The following PTPRD variants were observed in gnomAD, a reference collection of about 807,000 sequenced individuals.
The protein encoded by PTPRD is protein tyrosine phosphatase receptor type D.
PTPRD carries 34 observed loss-of-function variants against 214.5 expected under a neutral mutation model. That is an observed-to-expected ratio of 0.16 (90% CI 0.12 to 0.21). The LOEUF (loss-of-function observed/expected upper bound fraction) is 0.21, where lower values mean the gene tolerates loss of function less well. Among genes scored for constraint, PTPRD ranks in the 10% least tolerant of loss-of-function variants. The pLI is 1.00. For missense variants in PTPRD, 2,545 were observed against 2,398.7 expected, an observed-to-expected ratio of 1.06 and a Z score of -1.27; for synonymous variants, 1,128 against 845.7, an observed-to-expected ratio of 1.33 and a Z score of -5.79.
chr9:9,800,333 CTAAAAAAA>C (rs1235000427), intron 5 of PTPRD, among the ~76,000 whole-genome samples: 13 of 151,772 alleles, frequency 8.6e-5, no homozygotes, highest in African/African-American at 3.1e-4. Context: ...GATCTTGTCT[CTAAAAAAA>C]TAAAATATTT....
intron 11 of PTPRD, among the ~76,000 whole-genome samples, chr9:8,779,748 T>C (rs1473642504): frequency 1.3e-5 from 2 of 151,722 alleles, no homozygotes; most frequent in Non-Finnish European, 2.9e-5. Flanking sequence ...TGGGGTTTTG[T>C]GAATGCTGCA....
intron 9 of PTPRD, among the ~76,000 whole-genome samples, chr9:9,295,720 C>T (rs903478093): frequency 6.6e-6 from 1 of 151,770 alleles, no homozygotes; most frequent in Admixed American, 6.6e-5. Context: ...ACTAGGTTTA[C>T]TTCAAAGAGA....
At chr9:8,996,781 C>T (rs1303753054) in intron 11 of PTPRD, among the ~76,000 whole-genome samples, 1 of 152,022 alleles carries the variant, frequency 6.6e-6, no homozygotes, top group East Asian at 1.9e-4. Flanking sequence ...AATCACCTCC[C>T]CAAGGCCCTA....
At chr9:8,756,948 T>C (rs12345759) in intron 11 of PTPRD, among the ~76,000 whole-genome samples, 7,688 of 151,936 alleles carry the variant, frequency 0.051, 488 homozygotes, top group African/African-American at 0.15. Context: ...CAAGACCACC[T>C]TGGCCAACGT....
At chr9:9,767,259 T>A (rs923449240) in intron 5 of PTPRD, among the ~76,000 whole-genome samples, 1 of 152,066 alleles carries the variant, frequency 6.6e-6, no homozygotes, top group African/African-American at 2.4e-5. Flanking sequence ...GATTTTATAA[T>A]AAAAGCATTA....
At chr9:9,407,286 G>A (rs1384290963) in intron 8 of PTPRD, among the ~76,000 whole-genome samples, 1 of 151,636 alleles carries the variant, frequency 6.6e-6, no homozygotes, top group Non-Finnish European at 1.5e-5. Context: ...TTTCATTGCT[G>A]TGTAGAATTC....
intron 43 of PTPRD, among the ~76,000 whole-genome samples, chr9:8,337,030 G>C (rs558309554): frequency 6.6e-6 from 1 of 152,154 alleles, no homozygotes; most frequent in Non-Finnish European, 1.5e-5. Context: ...CACTGTGGAA[G>C]ACAGTTTGGT....
intron 8 of PTPRD, among the ~76,000 whole-genome samples, chr9:9,520,747 C>T (rs116605269): frequency 0.025 from 3,878 of 152,106 alleles, 176 homozygotes; most frequent in African/African-American, 0.087. Flanking sequence ...AATTGAATGC[C>T]AATAAAATTT....
intron 35 of PTPRD, among the ~76,000 whole-genome samples, chr9:8,426,714 C>T (rs752994342): frequency 3.3e-5 from 5 of 150,154 alleles, no homozygotes; most frequent in Admixed American, 6.7e-5. Flanking sequence ...TCCCTTAAGA[C>T]GGGTAGGACT....
At chr9:8,458,465 C>T (rs1045668682) in intron 33 of PTPRD, among the ~76,000 whole-genome samples, 2 of 152,096 alleles carry the variant, frequency 1.3e-5, no homozygotes, top group African/African-American at 4.8e-5. Context: ...AATGTCATGT[C>T]ATATGGTCTA....
chr9:9,341,201 G>A (rs762605698), intron 9 of PTPRD, among the ~76,000 whole-genome samples: 3 of 151,950 alleles, frequency 2.0e-5, no homozygotes, highest in Non-Finnish European at 2.9e-5. Context: ...GGTGTTTCTG[G>A]TGTTTTTCCT....
At chr9:8,730,359 T>A (rs183726075) in intron 12 of PTPRD, among the ~76,000 whole-genome samples, 23 of 152,248 alleles carry the variant, frequency 1.5e-4, no homozygotes, top group Admixed American at 6.5e-4. Flanking sequence ...CAATCTGAAG[T>A]GGAAAAATGA....
chr9:8,679,996 T>C (rs1194090631), intron 12 of PTPRD, among the ~76,000 whole-genome samples: 1 of 152,240 alleles, frequency 6.6e-6, no homozygotes, highest in Non-Finnish European at 1.5e-5. Context: ...TTAAAATCCT[T>C]AATGTAATCC....
In PTPRD at chr9:8,454,684, A is replaced by C. The variant is rs900415084; in HGVS notation, c.3876-4847T>G. 1.4e-5 allele frequency: 20 copies of C among 1,411,652 alleles called. No homozygotes were observed. The Admixed American group carries it at 3.3e-4, about 23-fold the overall frequency. 87.4% of individuals were successfully genotyped at this position (1,411,652 alleles called of 1,614,324 possible). ...AGGATAACCATGACAACCAAGATTT[A>C]AGAAATAGTGTTCACAAGCAAGGAC... On this transcript the variant is annotated intron_variant, in intron 33 of 45. Coordinates refer to ENST00000381196, the MANE Select transcript of PTPRD (RefSeq NM_002839.4).
chr9:8,315,571 G>A lies in PTPRD; in HGVS notation c.*2303C>T, dbSNP rs2130151987. 1 of 230,854 alleles carries A rather than the reference G, an allele frequency of 4.3e-6. No individual in the cohort carries two copies. Among genetic ancestry groups the A allele is most frequent in the South Asian group, 1.8e-4 (1 of 5,498 alleles). 14.3% of individuals were successfully genotyped at this position (230,854 alleles called of 1,614,324 possible). A position where few individuals can be genotyped will look rare whatever the true frequency, so the allele number is the denominator to read the frequency against. ...CCCACATAGTGCACATTCTTCTCTG[G>A]TTCTGATGTAGGTTAGAGAGTCTCA... On this transcript the variant is annotated 3_prime_UTR_variant, in exon 46 of 46. Transcript: ENST00000381196.
intron 14 of PTPRD, among the ~76,000 whole-genome samples, chr9:8,600,064 A>C (rs1369624753): frequency 6.6e-6 from 1 of 152,210 alleles, no homozygotes; most frequent in Non-Finnish European, 1.5e-5. Flanking sequence ...CCCTGGCTGC[A>C]GCCTGGTAGT....
intron 2 of PTPRD, among the ~76,000 whole-genome samples, chr9:10,387,372 G>C (rs1163305084): frequency 1.3e-5 from 2 of 151,860 alleles, no homozygotes; most frequent in Non-Finnish European, 2.9e-5. Context: ...CTACAACTAA[G>C]TACAGGTTAA....
At chr9:10,074,200 T>C (rs1029363904) in intron 3 of PTPRD, among the ~76,000 whole-genome samples, 4 of 151,866 alleles carry the variant, frequency 2.6e-5, no homozygotes, top group African/African-American at 9.7e-5. Context: ...GCTCCTCTCA[T>C]TGGCCTGCTT....
At chr9:9,219,530 G>T (rs1593854473) in intron 9 of PTPRD, among the ~76,000 whole-genome samples, 1 of 152,148 alleles carries the variant, frequency 6.6e-6, no homozygotes, top group South Asian at 2.1e-4. Flanking sequence ...TGTATTTAAA[G>T]TCATAGAGAT....
Sources: gnomAD v4.1 joint callset for allele counts (sites outside exome capture counted in the v4.1 genomes callset) on GRCh38, gnomAD v4.1.1 for gene constraint, MANE v1.5 for transcripts, NCBI Gene and HGNC (gene_info 2026-07-23, HGNC 2026-07-21) for gene names.